The following ICAM5 variants were observed in gnomAD, a reference collection of about 807,000 sequenced individuals.
ICAM5 encodes ICAM-5.
ICAM5 carries 38 observed loss-of-function variants against 78.8 expected under a neutral mutation model. That is an observed-to-expected ratio of 0.48 (90% CI 0.37 to 0.63). The LOEUF is 0.63. ICAM5 is among the 30% of genes least tolerant of loss of function. The pLI, the probability that ICAM5 is intolerant of heterozygous loss-of-function variation, is 0.00. For synonymous variants in ICAM5, 544 were observed against 590.9 expected, an observed-to-expected ratio of 0.92 and a Z score of 1.15; for missense variants, 1,059 against 1,303.0, an observed-to-expected ratio of 0.81 and a Z score of 2.88.
In ICAM5 at chr19:10,296,576, C is replaced by A; in HGVS notation, c.2735C>A (p.Ala912Glu). The A allele has an allele frequency of 1.6e-6, 2 of 1,217,406 alleles. No homozygotes were observed. Among genetic ancestry groups the A allele is most frequent in the Non-Finnish European group, 2.1e-6 (2 of 972,084 alleles). The allele number at this position is 1,217,406 out of a possible 1,614,324, so 75.4% of individuals were successfully genotyped here. Residue 912 changes from alanine to glutamate, a missense_variant, in exon 11 of 11, where the codon GCG (alanine) becomes GAG (glutamate). By Grantham distance (107) the Ala-to-Glu change is moderately radical. Transcript: ENST00000221980. ...EAAGGAAESP[A>E]EGEVFAIQLT... ...GCGGGGGGCGCGGCCGAGTCGCCGG[C>A]GGAGGGCGAGGTCTTCGCCATACAG...
intron 4 of ICAM5, 106 bp from the exon 5 acceptor site, chr19:10,292,506 C>CCCTA: frequency 6.9e-7 from 1 of 1,446,316 alleles, no homozygotes; most frequent in Non-Finnish European, 9.3e-7. Context: ...GGGCGCCGTA[C>CCCTA]CCTAGTTCGT....
At chr19:10,292,424 C>A (rs970831902) in intron 4 of ICAM5, 102 bp downstream of exon 4, 6 of 1,404,760 alleles carry the variant, frequency 4.3e-6, no homozygotes, top group African/African-American at 2.9e-5. Flanking sequence ...ACAGGCGTGG[C>A]CCGAGGGGCG....
At chr19:10,295,756 A>G in intron 10 of ICAM5, 144 bp downstream of exon 10, 4 of 941,738 alleles carry the variant, frequency 4.2e-6, no homozygotes, top group Admixed American at 3.0e-5. Flanking sequence ...AAGGTGCCTT[A>G]GCGGGTGGGG....
rs768427761 is a variant in ICAM5 at position 10,291,662 on chromosome 19, G to A, written c.526G>A (p.Ala176Thr). Reference protein sequence around the residue: ...RRSFAGEPPRARGAVLTATVL... With the variant: ...RRSFAGEPPRTRGAVLTATVL... ...CAGCTTCGCCGGTGAACCACCCCGA[G>A]CGCGGGGCGCGGTGCTCACAGCCAC... Residue 176 changes from alanine to threonine, a missense_variant, in exon 3 of 11, where the codon GCG becomes ACG. By Grantham distance (58) the Ala-to-Thr change is moderately conservative. Around this residue, in one of 3 missense-constraint regions of ICAM5, gnomAD observed 815 missense variants for 952.8 expected, o/e 0.86. Transcript: ENST00000221980. 1 of 1,612,154 alleles carries A rather than the reference G, an allele frequency of 6.2e-7. No homozygotes were observed. The highest frequency in any genetic ancestry group is 1.1e-5 in the South Asian group (1 of 91,058).
intron 10 of ICAM5, 36 bp from the exon 11 acceptor site, chr19:10,296,303 G>A: frequency 8.1e-7 from 1 of 1,228,800 alleles, no homozygotes; most frequent in South Asian, 4.0e-5. Context: ...GCCCCCCGGA[G>A]CTTGGCCACC....
At position 10,293,596 on chromosome 19, in the gene ICAM5, G is replaced by T; in HGVS notation, c.1466-102G>T. 2 of 1,476,252 alleles carry T rather than the reference G, an allele frequency of 1.4e-6. No individual in the cohort carries two copies. Among genetic ancestry groups the T allele is most frequent in the Middle Eastern group, 1.8e-4 (1 of 5,600 alleles). 91.4% of individuals were successfully genotyped at this position (1,476,252 alleles called of 1,614,324 possible). On this transcript the variant is annotated intron_variant, in intron 6 of 10. Transcript: ENST00000221980. This position sits in a 1 kb window ranked among gnomAD's most constrained non-coding sequence, Gnocchi z 5.0. ...CCTTGGATCGGCGTCCAAGGGTTAT[G>T]CAGGGACAACACTTCGTGGAAGCCT... is the stretch of plus-strand genomic sequence containing the variant.
chr19:10,295,799 A>T (rs2040215710), intron 10 of ICAM5, among the ~76,000 whole-genome samples, 187 bp downstream of exon 10: 1 of 151,986 alleles, frequency 6.6e-6, no homozygotes, highest in Non-Finnish European at 1.5e-5. Context: ...TGGGAGATGG[A>T]GGTGGCAGGG....
chr19:10,294,047 C>T lies in ICAM5; in HGVS notation c.1719C>T (p.Pro573=). 6.3e-7 allele frequency: 1 copy of T among 1,581,724 alleles called. No homozygotes were observed. Among genetic ancestry groups the T allele is most frequent in the South Asian group, 1.2e-5 (1 of 86,756 alleles). ...KNVAVTVEYG[P]RFEEPSCPSN... ...TGCAATCCTGTTTCCCAGATGGCCC[C>T]AGGTTTGAGGAGCCGAGCTGCCCCA... The change falls in exon 8 of 11, where the codon CCC becomes CCT. Residue 573 remains proline, a synonymous_variant. Coordinates refer to ENST00000221980, the MANE Select transcript of ICAM5 (RefSeq NM_003259.4). This position sits in a 1 kb window ranked among gnomAD's most constrained non-coding sequence, Gnocchi z 7.7.
Position 10,296,439 on chromosome 19 carries a change from G to A in ICAM5, c.2598G>A (p.Lys866=), listed in dbSNP as rs1328891719. ...LAFYVQSTAC[K]KGEYNVQEAE... ...TCTACGTGCAGTCCACCGCCTGCAA[G>A]AAGGGCGAGTACAACGTGCAGGAGG... The change falls in exon 11 of 11, where the codon AAG becomes AAA. Residue 866 remains lysine, a synonymous_variant. Transcript: ENST00000221980. 5 of 1,329,256 alleles carry A rather than the reference G, an allele frequency of 3.8e-6. No homozygotes were observed. The African/African-American group carries it at 7.7e-5, about 20-fold the overall frequency. The allele number at this position is 1,329,256 out of a possible 1,614,324, so 82.3% of individuals were successfully genotyped here. A position where few individuals can be genotyped will look rare whatever the true frequency, so the allele number is the denominator to read the frequency against.
Position 10,293,020 on chromosome 19 carries a change from G to A in ICAM5, c.1239G>A (p.Ser413=), listed in dbSNP as rs1410008897. ...CAGACGCTCCCCGGCTAGACGATTC[G>A]GACTGCCCCAGGAGTTGGACGTGGC... ...RVLYAPRLDD[S]DCPRSWTWPE... Residue 413 remains serine (S), a synonymous_variant, in exon 6 of 11, where the codon TCG becomes TCA. Coordinates refer to ENST00000221980, the MANE Select transcript of ICAM5 (RefSeq NM_003259.4). This position sits in a 1 kb window ranked among gnomAD's most constrained non-coding sequence, Gnocchi z 5.0. 3 of 1,610,966 alleles carry A rather than the reference G, an allele frequency of 1.9e-6. No individual in the cohort carries two copies. The highest frequency in any genetic ancestry group is 1.1e-5 in the South Asian group (1 of 91,074).
Position 10,293,089 on chromosome 19 carries a change from C to T in ICAM5, c.1308C>T (p.Asn436=). The T allele has an allele frequency of 1.9e-6, 3 of 1,610,516 alleles. No homozygotes were observed. The highest frequency in any genetic ancestry group is 2.5e-6 in the Non-Finnish European group (3 of 1,179,678). ...EQTLRCEARG[N]PEPSVHCARS... is the part of the protein sequence containing the mutation. Reference sequence around the variant, plus strand: ...CGCTGCGCTGCGAGGCCCGCGGGAACCCAGAACCCTCAGTGCACTGTGCGC... The same window carrying T: ...CGCTGCGCTGCGAGGCCCGCGGGAATCCAGAACCCTCAGTGCACTGTGCGC... Residue 436 remains asparagine (N), a synonymous_variant, in exon 6 of 11, where the codon AAC becomes AAT. Coordinates refer to ENST00000221980, the MANE Select transcript of ICAM5 (RefSeq NM_003259.4). This position sits in a 1 kb window ranked among gnomAD's most constrained non-coding sequence, Gnocchi z 5.0.
chr19:10,295,494 G>C lies in ICAM5; in HGVS notation c.2379G>C (p.Ser793=). 6.4e-7 allele frequency: 1 copy of C among 1,571,102 alleles called. No individual in the cohort carries two copies. The change falls in exon 10 of 11, where the codon TCG becomes TCC. Residue 793 remains serine, a synonymous_variant. Coordinates refer to ENST00000221980, the MANE Select transcript of ICAM5 (RefSeq NM_003259.4). The stretch of plus-strand genomic sequence containing the variant: ...CGGGGGCCCTCAACATCGGCCTGTC[G>C]AGCAACAACAGCACACTGAGCGTGG... ...APPGALNIGL[S]SNNSTLSVAG... is the part of the protein sequence containing the mutation.
chr19:10,290,140 C>A lies in ICAM5; in HGVS notation c.82+15C>A. 1 of 1,509,174 alleles carries A rather than the reference C, an allele frequency of 6.6e-7. No homozygotes were observed. The highest frequency in any genetic ancestry group is 1.2e-5 in the South Asian group (1 of 80,250). The allele number at this position is 1,509,174 out of a possible 1,614,324, so 93.5% of individuals were successfully genotyped here. A position where few individuals can be genotyped will look rare whatever the true frequency, so the allele number is the denominator to read the frequency against. On this transcript the variant is annotated intron_variant, in intron 1 of 10. Transcript: ENST00000221980. The surrounding 1 kb of genome is among the most constrained non-coding windows in gnomAD (Gnocchi z 5.7). ...CGGCCTCTCAGGTAAGAGCCCCGCT[C>A]TGGTTCGGGGTGGACAGGGCGGGGG...
chr19:10,295,215 A>T lies in ICAM5; in HGVS notation c.2231-131A>T, dbSNP rs929758816. 3.9e-6 allele frequency: 4 copies of T among 1,035,318 alleles called. No homozygotes were observed. The African/African-American group carries it at 6.6e-5, about 17-fold the overall frequency. 64.1% of individuals were successfully genotyped at this position (1,035,318 alleles called of 1,614,324 possible). On this transcript the variant is annotated intron_variant, in intron 9 of 10. Coordinates refer to ENST00000221980, the MANE Select transcript of ICAM5 (RefSeq NM_003259.4). The stretch of plus-strand genomic sequence containing the variant: ...CTGATTGTCGGGGAAGGAGGCTCTG[A>T]TAGGAGGCAGGATCCTCTTCTGCCC...
chr19:10,296,600 A>T lies in ICAM5; in HGVS notation c.2759A>T (p.Gln920Leu). ...GCGGAGGGCGAGGTCTTCGCCATACAGCTGACATCGGCGTGAGCCCGCTCC... is the reference window on the plus strand; with the variant it reads ...GCGGAGGGCGAGGTCTTCGCCATACTGCTGACATCGGCGTGAGCCCGCTCC... Reference protein sequence around the residue: ...SPAEGEVFAIQLTSA With the variant: ...SPAEGEVFAILLTSA The change falls in exon 11 of 11, where the codon CAG becomes CTG. Residue 920 changes from glutamine to leucine, a missense_variant. This residue lies in a region of ICAM5 where 109 missense variants were observed against 120.0 expected (regional missense o/e 0.91). Transcript: ENST00000221980. 1 of 1,213,780 alleles carries T rather than the reference A, an allele frequency of 8.2e-7. No homozygotes were observed. Among genetic ancestry groups the T allele is most frequent in the Non-Finnish European group, 1.0e-6 (1 of 970,880 alleles). The allele number at this position is 1,213,780 out of a possible 1,614,324, so 75.2% of individuals were successfully genotyped here. A position where few individuals can be genotyped will look rare whatever the true frequency, so the allele number is the denominator to read the frequency against.
At position 10,296,419 on chromosome 19, in the gene ICAM5, G is replaced by T. The variant is rs751059736; in HGVS notation, c.2578G>T (p.Val860Leu). The T allele has an allele frequency of 1.7e-5, 22 of 1,305,994 alleles. 1 individual carries two copies. The South Asian group carries it at 5.0e-4, about 30-fold the overall frequency. 80.9% of individuals were successfully genotyped at this position (1,305,994 alleles called of 1,614,324 possible). The change falls in exon 11 of 11, where the codon GTG becomes TTG. Residue 860 changes from valine (V) to leucine (L), a missense_variant. Transcript: ENST00000221980. ...CGCGGGGGCCGGCCTGGCCTTCTAC[G>T]TGCAGTCCACCGCCTGCAAGAAGGG... The part of the protein sequence containing the change: ...LAAGAGLAFY[V>L]QSTACKKGEY...
rs2040174899 is a variant in ICAM5 at position 10,291,733 on chromosome 19, C to T, written c.597C>T (p.Arg199=). ...ACCATGGAGCCAATTTCTCGTGTCG[C>T]GCCGAGCTGGACCTGCGGCCGCACG... The part of the protein sequence containing the change: ...REDHGANFSC[R]AELDLRPHGL... Residue 199 remains arginine (R), a synonymous_variant, in exon 3 of 11, where the codon CGC becomes CGT. Transcript: ENST00000221980. 10 of 1,612,844 alleles carry T rather than the reference C, an allele frequency of 6.2e-6. No homozygotes were observed. Among genetic ancestry groups the T allele is most frequent in the Non-Finnish European group, 8.5e-6 (10 of 1,179,994 alleles).
Position 10,293,677 on chromosome 19 carries a change from A to G in ICAM5, c.1466-21A>G. 1 of 1,608,092 alleles carries G rather than the reference A, an allele frequency of 6.2e-7. No homozygotes were observed. The highest frequency in any genetic ancestry group is 1.1e-5 in the South Asian group (1 of 90,898). ...GATTTGCCCCCAAACCCCAAAGCCA[A>G]CAATACACTCCCTCCTCCAGACGCA... On this transcript the variant is annotated intron_variant, in intron 6 of 10. Transcript: ENST00000221980. This position sits in a 1 kb window ranked among gnomAD's most constrained non-coding sequence, Gnocchi z 5.0.
In ICAM5 at chr19:10,290,205, C is replaced by G; in HGVS notation, c.82+80C>G. On this transcript the variant is annotated intron_variant, in intron 1 of 10. Transcript: ENST00000221980. This position sits in a 1 kb window ranked among gnomAD's most constrained non-coding sequence, Gnocchi z 5.7. ...CTGAGAAACGGCCTCCTGTCCCTCC[C>G]AGCTCTGCCCTCGCCTCGCTCCCAC... The G allele has an allele frequency of 9.4e-7, 1 of 1,066,542 alleles. No individual in the cohort carries two copies. The highest frequency in any genetic ancestry group is 1.7e-5 in the South Asian group (1 of 59,324). 66.1% of individuals were successfully genotyped at this position (1,066,542 alleles called of 1,614,324 possible). A position where few individuals can be genotyped will look rare whatever the true frequency, so the allele number is the denominator to read the frequency against.
Sources: allele counts gnomAD v4.1 joint callset (sites outside exome capture counted in the v4.1 genomes callset), GRCh38; gene constraint gnomAD v4.1.1; regional missense constraint gnomAD v4.1.1; non-coding constraint Gnocchi (gnomAD v3.1); transcripts MANE v1.5; gene names NCBI Gene and HGNC (gene_info 2026-07-23, HGNC 2026-07-21).